Variants in CLEC16A observed in about 807,000 individuals in gnomAD.
The protein encoded by CLEC16A is C-type lectin domain containing 16A, also known as protein CLEC16A.
Under a neutral mutation model 109.5 loss-of-function variants are expected in CLEC16A, and 51 were observed. The ratio of observed to expected loss-of-function variants is 0.47; its 90% CI spans 0.37 to 0.59. The LOEUF (loss-of-function observed/expected upper bound fraction) is 0.59, where lower values mean the gene tolerates loss of function less well. Ranked by LOEUF, CLEC16A falls within the 20% of genes least tolerant of loss-of-function variation. The pLI is 0.00. For synonymous variants in CLEC16A, 673 were observed against 564.2 expected, an observed-to-expected ratio of 1.19 and a Z score of -2.73; for missense variants, 1,339 against 1,394.0, an observed-to-expected ratio of 0.96 and a Z score of 0.63.
At chr16:11,031,424 C>T (rs1469254082) in intron 13 of CLEC16A, among the ~76,000 whole-genome samples, 2 of 152,202 alleles carry the variant, frequency 1.3e-5, no homozygotes, top group African/African-American at 4.8e-5. Flanking sequence ...TGCCATGCAC[C>T]TTCATCCATC....
chr16:10,949,631 C>A (rs2041620367), intron 1 of CLEC16A, among the ~76,000 whole-genome samples: 1 of 152,032 alleles, frequency 6.6e-6, no homozygotes, highest in Non-Finnish European at 1.5e-5. Flanking sequence ...TCCCCTGGGG[C>A]CCTGTAAATC....
intron 7 of CLEC16A, 119 bp downstream of exon 7, chr16:10,973,180 C>A (rs905875837): frequency 3.4e-6 from 4 of 1,164,184 alleles, no homozygotes; most frequent in Non-Finnish European, 4.7e-6. Flanking sequence ...GTAGGCAGAG[C>A]ATGGACTTCC....
intron 19 of CLEC16A, among the ~76,000 whole-genome samples, chr16:11,095,471 G>A (rs996523153): frequency 2.0e-5 from 3 of 152,186 alleles, no homozygotes; most frequent in African/African-American, 7.2e-5. Flanking sequence ...AGTCCAGGCA[G>A]TCAGCATAGC....
intron 1 of CLEC16A, among the ~76,000 whole-genome samples, chr16:10,947,823 A>G (rs1315149184): frequency 1.3e-5 from 2 of 152,208 alleles, no homozygotes; most frequent in African/African-American, 4.8e-5. Flanking sequence ...GGAGAGGGAA[A>G]GTTTAAGATA....
chr16:11,006,026 C>T (rs762357603), intron 11 of CLEC16A, among the ~76,000 whole-genome samples: 3 of 151,862 alleles, frequency 2.0e-5, no homozygotes, highest in African/African-American at 7.3e-5. Context: ...AGAAATCCAA[C>T]TCAGACTGGC....
intron 19 of CLEC16A, among the ~76,000 whole-genome samples, chr16:11,101,413 C>T (rs1050702260): frequency 2.0e-5 from 3 of 152,228 alleles, no homozygotes; most frequent in Non-Finnish European, 4.4e-5. Context: ...ATGTTCCCTC[C>T]TGCCTCTGGC....
rs35498388 is a variant in CLEC16A at position 10,971,008 on chromosome 16, A to ATTTTTTTTTTTTT, written c.493-112_493-100dup. ...CTGACTTACGGTTCACATTGGCAAC[A>ATTTTTTTTTTTTT]TTTTTTTTTTTTTTTTTGTCTTTTT... On this transcript the variant is annotated intron_variant, in intron 4 of 23. Transcript: ENST00000409790. 5.1e-5 allele frequency: 26 copies of ATTTTTTTTTTTTT among 506,952 alleles called. 7 individuals carry two copies. The highest frequency in any genetic ancestry group is 8.4e-5 in the Non-Finnish European group (24 of 286,638). 31.4% of individuals were successfully genotyped at this position (506,952 alleles called of 1,614,324 possible).
intron 10 of CLEC16A, among the ~76,000 whole-genome samples, chr16:10,989,993 C>T (rs748018755): frequency 6.6e-6 from 1 of 152,170 alleles, no homozygotes. Context: ...CTTTTAGTGA[C>T]CCTGACTGTA....
At chr16:11,067,952 A>C (rs1050001901) in intron 19 of CLEC16A, among the ~76,000 whole-genome samples, 4 of 152,076 alleles carry the variant, frequency 2.6e-5, no homozygotes, top group Admixed American at 2.6e-4. Flanking sequence ...ATTAACAACA[A>C]CCCAACTATT....
chr16:10,977,336 T>A lies in CLEC16A; in HGVS notation c.840T>A (p.Thr280=), dbSNP rs1166669092. The A allele has an allele frequency of 6.2e-7, 1 of 1,614,000 alleles. No homozygotes were observed. Among genetic ancestry groups the A allele is most frequent in the East Asian group, 2.2e-5 (1 of 44,882 alleles). Residue 280 remains threonine, a synonymous_variant, in exon 8 of 24, where the codon ACT becomes ACA. Transcript: ENST00000409790. The part of the protein sequence containing the change: ...INCEFLNDVL[T]DHLLNRLFLP... ...GTGAGTTCCTCAACGATGTGCTCAC[T>A]GACCACCTGCTCAACAGGCTCTTCC...
chr16:11,157,259 G>A lies in CLEC16A; in HGVS notation c.2642-9129G>A. On this transcript the variant is annotated intron_variant, in intron 22 of 23. Transcript: ENST00000409790. The stretch of plus-strand genomic sequence containing the variant: ...CAGCCTAGTCAGTGATCAGTGATGT[G>A]GGGGTCGCCCATGGTGGCAGCTCAG... 5.9e-6 allele frequency: 7 copies of A among 1,185,500 alleles called. No individual in the cohort carries two copies. The South Asian group carries it at 1.2e-4, about 20-fold the overall frequency. 73.4% of individuals were successfully genotyped at this position (1,185,500 alleles called of 1,614,324 possible). A position where few individuals can be genotyped will look rare whatever the true frequency, so the allele number is the denominator to read the frequency against.
At chr16:11,088,746 G>A (rs1050483234) in intron 19 of CLEC16A, among the ~76,000 whole-genome samples, 7 of 152,202 alleles carry the variant, frequency 4.6e-5, no homozygotes, top group Non-Finnish European at 1.0e-4. Context: ...CTGGAAAATT[G>A]GCTTACTTAT....
intron 19 of CLEC16A, among the ~76,000 whole-genome samples, chr16:11,100,278 T>C (rs1339286349): frequency 6.6e-6 from 1 of 152,144 alleles, no homozygotes; most frequent in African/African-American, 2.4e-5. Context: ...CCTACGGTCC[T>C]GCCAAAATCT....
chr16:10,947,899 C>CTT (rs895339936), intron 1 of CLEC16A, among the ~76,000 whole-genome samples: 7 of 142,282 alleles, frequency 4.9e-5, no homozygotes, highest in African/African-American at 1.8e-4. Flanking sequence ...AAACCCTCTT[C>CTT]TTTTTTTTTT....
At chr16:11,133,214 C>A (rs970830126) in intron 22 of CLEC16A, among the ~76,000 whole-genome samples, 2 of 152,112 alleles carry the variant, frequency 1.3e-5, no homozygotes, top group Non-Finnish European at 2.9e-5. Flanking sequence ...TGGCGGGCAC[C>A]TGTAGTCCCA....
At chr16:11,078,240 T>A (rs2049500968) in intron 19 of CLEC16A, among the ~76,000 whole-genome samples, 1 of 152,068 alleles carries the variant, frequency 6.6e-6, no homozygotes, top group South Asian at 2.1e-4. Flanking sequence ...GAAAACAATC[T>A]GTACCCAGAC....
chr16:11,077,599 T>TA (rs1468500573), intron 19 of CLEC16A, among the ~76,000 whole-genome samples: 2 of 151,796 alleles, frequency 1.3e-5, no homozygotes, highest in African/African-American at 4.8e-5. Flanking sequence ...ATTGAGGCTG[T>TA]AGTGAGCTGT....
chr16:11,069,543 T>C (rs1001073338), intron 19 of CLEC16A, among the ~76,000 whole-genome samples: 1 of 152,138 alleles, frequency 6.6e-6, no homozygotes, highest in Admixed American at 6.5e-5. Flanking sequence ...CAAGCAATCC[T>C]ACTGCTGCCT....
At chr16:11,078,874 T>G (rs1000264800) in intron 19 of CLEC16A, among the ~76,000 whole-genome samples, 7 of 152,212 alleles carry the variant, frequency 4.6e-5, no homozygotes, top group African/African-American at 1.7e-4. Flanking sequence ...TTAAGCTGTT[T>G]ACGCTTCTCT....
Sources: allele counts gnomAD v4.1 joint callset (sites outside exome capture counted in the v4.1 genomes callset), GRCh38; gene constraint gnomAD v4.1.1; transcripts MANE v1.5; gene names NCBI Gene and HGNC (gene_info 2026-07-23, HGNC 2026-07-21).